The following WDPCP variants were observed in gnomAD, a reference collection of about 807,000 sequenced individuals.
WDPCP encodes WD repeat containing planar cell polarity effector.
WDPCP carries 71 observed loss-of-function variants against 93.1 expected under a neutral mutation model. The observed-to-expected ratio is 0.76, with a 90% CI of 0.63 to 0.93. The LOEUF (loss-of-function observed/expected upper bound fraction) is 0.93. Among genes scored for constraint, WDPCP ranks in the 40% least tolerant of loss-of-function variants. The probability of loss-of-function intolerance (pLI) is 0.00; values close to 1 mark genes in which losing one functional copy is unlikely to be tolerated. For missense variants in WDPCP, 844 were observed against 887.4 expected (o/e 0.95, Z 0.62); for synonymous variants, 315 against 315.0 (o/e 1.00, Z 0.00).
At chr2:63,211,596 C>G (rs1676807828) in intron 14 of WDPCP, among the ~76,000 whole-genome samples, 2 of 152,146 alleles carry the variant, frequency 1.3e-5, no homozygotes, top group Admixed American at 1.3e-4. Context: ...AGCAACAGAA[C>G]AAAGCTGGAT....
At chr2:63,746,006 T>C (rs1201441666) in intron 2 of WDPCP, among the ~76,000 whole-genome samples, 1 of 152,302 alleles carries the variant, frequency 6.6e-6, no homozygotes, top group East Asian at 1.9e-4. Context: ...AAGGTGAGCA[T>C]GTTTTCATAT....
chr2:63,831,814 T>TA (rs530856674), upstream of WDPCP, among the ~76,000 whole-genome samples: 206 of 152,226 alleles, frequency 1.4e-3, no homozygotes, highest in South Asian at 2.3e-3. Context: ...AGCACATCTC[T>TA]AAGTTTGGGG....
chr2:63,485,249 G>T (rs760040373), intron 4 of WDPCP, among the ~76,000 whole-genome samples: 5 of 151,548 alleles, frequency 3.3e-5, no homozygotes, highest in Admixed American at 2.0e-4. Context: ...TGCTAGGCTT[G>T]TGAATCTAGT....
intron 1 of WDPCP, among the ~76,000 whole-genome samples, chr2:63,495,032 T>C (rs1031587041): frequency 2.6e-5 from 4 of 151,186 alleles, no homozygotes; most frequent in Non-Finnish European, 5.9e-5. Context: ...CAGGCTACAA[T>C]AGTAAATTTT....
intron 13 of WDPCP, among the ~76,000 whole-genome samples, chr2:63,299,643 G>T (rs979066750): frequency 6.6e-6 from 1 of 152,122 alleles, no homozygotes; most frequent in Non-Finnish European, 1.5e-5. Flanking sequence ...GAGGTACGGG[G>T]TGCATACGAG....
At chr2:63,262,817 T>A (rs1294831908) in intron 13 of WDPCP, among the ~76,000 whole-genome samples, 1 of 152,194 alleles carries the variant, frequency 6.6e-6, no homozygotes, top group Non-Finnish European at 1.5e-5. Flanking sequence ...AAGATCATGT[T>A]TTACTCTGCC....
At chr2:63,837,490 C>T in the WDPCP span, among the ~76,000 whole-genome samples, 2 of 152,198 alleles carry the variant, frequency 1.3e-5, no homozygotes, top group African/African-American at 4.8e-5. Flanking sequence ...GGGCATGACA[C>T]AGAAATTTTT....
rs535976300 is a variant in WDPCP at position 63,703,843 on chromosome 2, A to G, written n.309-53005T>C. Among the ~76,000 whole-genome samples, 74 of 152,280 alleles carry G rather than the reference A, an allele frequency of 4.9e-4. No individual in the cohort carries two copies. In the Middle Eastern group the frequency reaches 0.014, roughly 28 times the overall value. On this transcript the variant is annotated intron_variant and non_coding_transcript_variant, in intron 2 of 4. Coordinates refer to the WDPCP transcript ENST00000467687. ...TTTTTCCCATTCTGTGAAGAAAGTC[A>G]TTGGTAGCTTGATGGGGATGGCATT...
intron 2 of WDPCP, among the ~76,000 whole-genome samples, chr2:63,756,003 C>G (rs1479243674): frequency 6.6e-6 from 1 of 152,078 alleles, no homozygotes; most frequent in Non-Finnish European, 1.5e-5. Context: ...AATATTGAAC[C>G]AAAAGATTTT....
intron 2 of WDPCP, among the ~76,000 whole-genome samples, chr2:63,724,173 G>A (rs1052443304): frequency 6.6e-6 from 1 of 152,148 alleles, no homozygotes; most frequent in African/African-American, 2.4e-5. Flanking sequence ...TAGATACATA[G>A]TTGTTCATTG....
intron 2 of WDPCP, among the ~76,000 whole-genome samples, chr2:63,750,033 T>C (rs1669857239): frequency 6.6e-6 from 1 of 152,084 alleles, no homozygotes; most frequent in African/African-American, 2.4e-5. Flanking sequence ...CAACAGTGAC[T>C]AGAACTCTGA....
At chr2:63,315,601 A>C (rs1225205250) in intron 12 of WDPCP, among the ~76,000 whole-genome samples, 1 of 152,202 alleles carries the variant, frequency 6.6e-6, no homozygotes, top group Non-Finnish European at 1.5e-5. Flanking sequence ...TTATTAAAGT[A>C]GGCATATAAA....
At chr2:63,512,094 A>C (rs1450233868) in intron 1 of WDPCP, among the ~76,000 whole-genome samples, 2 of 152,206 alleles carry the variant, frequency 1.3e-5, no homozygotes, top group African/African-American at 4.8e-5. Context: ...ATAAACAGAC[A>C]CTTTTCAAAA....
Position 63,783,708 on chromosome 2 carries a change from G to A in WDPCP, n.308+29914C>T, listed in dbSNP as rs2103981251. On this transcript the variant is annotated intron_variant and non_coding_transcript_variant, in intron 2 of 4. Transcript: ENST00000467687. Reference sequence around the variant, plus strand: ...CACATGTTCTCACTTAGAAGTCTGAGCTAAATAATGTGTACACCTTGGCAT... The same window carrying A: ...CACATGTTCTCACTTAGAAGTCTGAACTAAATAATGTGTACACCTTGGCAT... Among the ~76,000 whole-genome samples the A allele has an allele frequency of 1.3e-5, 2 of 152,252 alleles. 1 individual carries two copies. The highest frequency in any genetic ancestry group is 4.1e-4 in the South Asian group (2 of 4,824).
At chr2:63,567,302 T>C (rs982456542) in intron 1 of WDPCP, among the ~76,000 whole-genome samples, 9 of 152,110 alleles carry the variant, frequency 5.9e-5, no homozygotes, top group African/African-American at 1.7e-4. Context: ...ATTCCAAAAC[T>C]ATCTAGGGAC....
chr2:63,219,545 T>C (rs1479337203), intron 14 of WDPCP, among the ~76,000 whole-genome samples: 1 of 152,252 alleles, frequency 6.6e-6, no homozygotes, highest in African/African-American at 2.4e-5. Context: ...TTAAAGTGAT[T>C]GATGTAAGAA....
intron 1 of WDPCP, among the ~76,000 whole-genome samples, chr2:63,560,569 C>T (rs1328062091): frequency 4.6e-5 from 7 of 152,198 alleles, no homozygotes; most frequent in African/African-American, 1.7e-4. Flanking sequence ...ATAGCAAAGA[C>T]TTGGAACGAA....
intron 2 of WDPCP, among the ~76,000 whole-genome samples, chr2:63,792,365 C>T (rs1670557317): frequency 6.6e-6 from 1 of 152,144 alleles, no homozygotes. Context: ...AGAACTCACT[C>T]ACTATCATGA....
At chr2:63,277,854 GA>G (rs1274629463) in intron 13 of WDPCP, among the ~76,000 whole-genome samples, 1 of 152,208 alleles carries the variant, frequency 6.6e-6, no homozygotes, top group Non-Finnish European at 1.5e-5. Flanking sequence ...CGTCAAGACA[GA>G]AAGTCAAGAA....
Sources: gnomAD v4.1 joint callset for allele counts (sites outside exome capture counted in the v4.1 genomes callset) on GRCh38, gnomAD v4.1.1 for gene constraint, MANE v1.5 for transcripts, NCBI Gene and HGNC (gene_info 2026-07-23, HGNC 2026-07-21) for gene names.